The following TNFRSF13B variants were observed in gnomAD, a reference collection of about 807,000 sequenced individuals.
TNFRSF13B encodes TNF receptor superfamily member 13B, also known as tumor necrosis factor receptor superfamily member 13B.
Under a neutral mutation model 24.0 loss-of-function variants are expected in TNFRSF13B, and 34 were observed. The ratio of observed to expected loss-of-function variants is 1.41; its 90% CI spans 1.08 to 1.88. TNFRSF13B has a LOEUF of 1.88. Among genes scored for constraint, TNFRSF13B ranks in the 40% most tolerant of loss-of-function variants. The pLI is 0.00. For synonymous variants in TNFRSF13B, 173 were observed against 150.3 expected (o/e 1.15, Z -1.10); for missense variants, 415 against 380.8 (o/e 1.09, Z -0.75).
chr17:16,959,015 C>A (rs1436183738), intron 1 of TNFRSF13B, among the ~76,000 whole-genome samples: 1 of 152,080 alleles, frequency 6.6e-6, no homozygotes, highest in Admixed American at 6.6e-5. Flanking sequence ...AATACACATT[C>A]TTTTCAAGTG....
intron 1 of TNFRSF13B, among the ~76,000 whole-genome samples, chr17:16,957,114 T>G (rs144154055): frequency 9.4e-4 from 143 of 151,752 alleles, no homozygotes; most frequent in Middle Eastern, 3.5e-3. Flanking sequence ...TGGACAGGGA[T>G]GTGGGAACTC....
chr17:16,944,481 A>G (rs2087533618), intron 3 of TNFRSF13B, among the ~76,000 whole-genome samples: 1 of 152,134 alleles, frequency 6.6e-6, no homozygotes, highest in African/African-American at 2.4e-5. Context: ...CTTGTGAGGG[A>G]CATAACTAGG....
At chr17:16,944,320 T>C (rs1264839718) in intron 3 of TNFRSF13B, among the ~76,000 whole-genome samples, 1 of 152,156 alleles carries the variant, frequency 6.6e-6, no homozygotes, top group Non-Finnish European at 1.5e-5. Flanking sequence ...TAGTTGCTTT[T>C]TGAATGAGCA....
At chr17:16,970,222 C>T (rs983949729) in intron 1 of TNFRSF13B, among the ~76,000 whole-genome samples, 2 of 152,192 alleles carry the variant, frequency 1.3e-5, no homozygotes, top group African/African-American at 4.8e-5. Flanking sequence ...AGAATAGAAG[C>T]TTGAGAGAGA....
rs2087493309 is a variant in TNFRSF13B, at chr17:16,939,694, T to A, written c.735A>T (p.Ala245=). The A allele has an allele frequency of 6.2e-7, 1 of 1,607,688 alleles. No homozygotes were observed. The change falls in exon 5 of 5, where the codon GCA becomes GCT. Residue 245 remains alanine (A), a synonymous_variant. Transcript: ENST00000261652. The part of the protein sequence containing the change: ...PECRAPTQES[A]VTPGTPDPTC... ...TGGGGTCGGGGGTCCCAGGCGTGAC[T>A]GCGCTCTCCTGCGTGGGCGCCCTGC...
chr17:16,969,057 G>A (rs370255255), intron 1 of TNFRSF13B, among the ~76,000 whole-genome samples: 4 of 152,292 alleles, frequency 2.6e-5, no homozygotes, highest in East Asian at 1.9e-4. Flanking sequence ...GACAAATGTC[G>A]GTGAAGATGT....
chr17:16,940,316 A>G lies in TNFRSF13B; in HGVS notation c.631+10T>C, dbSNP rs367988346. On this transcript the variant is annotated intron_variant, in intron 4 of 4. Coordinates refer to ENST00000261652, the MANE Select transcript of TNFRSF13B (RefSeq NM_012452.3). ...CGAGAAGGGCGAGGACCCCAGTTTC[A>G]TGCACTCACCCTGGGAAGACTTGGC... 7 of 1,612,682 alleles carry G rather than the reference A, an allele frequency of 4.3e-6. No homozygotes were observed. In the African/African-American group the frequency reaches 5.3e-5, roughly 12 times the overall value.
At chr17:16,967,751 C>CAA (rs975103327) in intron 1 of TNFRSF13B, among the ~76,000 whole-genome samples, 301 of 24,356 alleles carry the variant, frequency 0.012, 26 homozygotes, top group African/African-American at 0.029. Flanking sequence ...GACTCCGTCT[C>CAA]AAAAAAAAAA....
At chr17:16,971,518 A>G (rs2087744589) in intron 1 of TNFRSF13B, among the ~76,000 whole-genome samples, 2 of 152,228 alleles carry the variant, frequency 1.3e-5, no homozygotes, top group South Asian at 2.1e-4. Flanking sequence ...TGAGAAAGAC[A>G]TTGGTGAGAC....
In TNFRSF13B at chr17:16,940,463, C is replaced by T. The variant is rs550077773; in HGVS notation, c.494G>A (p.Ser165Asn). 3 of 1,613,798 alleles carry T rather than the reference C, an allele frequency of 1.9e-6. No individual in the cohort carries two copies. Among genetic ancestry groups the T allele is most frequent in the East Asian group, 4.5e-5 (2 of 44,884 alleles). The change falls in exon 4 of 5, where the codon AGC becomes AAC. Residue 165 changes from serine (S) to asparagine (N), a missense_variant. By Grantham distance (46) the Ser-to-Asn change is conservative. Transcript: ENST00000261652. ...GGCACACAGGCAGAGCCCCAGCGTG[C>T]TGTAGACCAGGGCCACCTGATCTGC... Reference protein sequence around the residue: ...LSADQVALVYSTLGLCLCAVL... With the variant: ...LSADQVALVYNTLGLCLCAVL...
chr17:16,941,803 CT>C (rs2087512107), intron 3 of TNFRSF13B, among the ~76,000 whole-genome samples: 1 of 152,166 alleles, frequency 6.6e-6, no homozygotes, highest in Non-Finnish European at 1.5e-5. Context: ...CTGTTCATCT[CT>C]TTTCTGTCTC....
chr17:16,952,168 T>C (rs2087593443), intron 2 of TNFRSF13B, among the ~76,000 whole-genome samples: 1 of 151,804 alleles, frequency 6.6e-6, no homozygotes, highest in Admixed American at 6.6e-5. Context: ...GAAGGTTGAG[T>C]AGGAGGGAGC....
In TNFRSF13B at chr17:16,939,576, G is replaced by GCA; in HGVS notation, c.851_852dup (p.Pro285CysfsTer40). The GCA allele has an allele frequency of 6.2e-7, 1 of 1,612,984 alleles. No individual in the cohort carries two copies. Among genetic ancestry groups the GCA allele is most frequent in the East Asian group, 2.2e-5 (1 of 44,844 alleles). On this transcript the variant is annotated frameshift_variant, in exon 5 of 5. Coordinates refer to ENST00000261652, the MANE Select transcript of TNFRSF13B (RefSeq NM_012452.3). LOFTEE classifies it high-confidence loss of function. The stretch of plus-strand genomic sequence containing the variant: ...GCACCTGGGCCCCCCTCCTGGGCAG[G>GCA]CACACACACAATGCCAAGGCCACTG...
At chr17:16,949,017 A>G in intron 2 of TNFRSF13B, 34 bp from the exon 3 acceptor site, 1 of 1,613,684 alleles carries the variant, frequency 6.2e-7, no homozygotes, top group Non-Finnish European at 8.5e-7. Flanking sequence ...CTGCTGGGTG[A>G]CACAGACTAG....
intron 1 of TNFRSF13B, 38 bp from the exon 2 acceptor site, chr17:16,952,621 C>T (rs2087597734): frequency 1.2e-6 from 2 of 1,613,894 alleles, no homozygotes; most frequent in South Asian, 1.1e-5. Flanking sequence ...TGGCAGGCGG[C>T]CACAGCCCGG....
Position 16,939,737 on chromosome 17 carries a change from C to A in TNFRSF13B, c.692G>T (p.Ser231Ile), listed in dbSNP as rs1416340010. ...CGCCCTGCACTCAGGGAAGCAGAAG[C>A]TGCAGGTCTCCACTGGCTCGGGGGA... ...STSPEPVETC[S>I]FCFPECRAPT... Residue 231 changes from serine (S) to isoleucine (I), a missense_variant, in exon 5 of 5, where the codon AGC (serine) becomes ATC (isoleucine). Transcript: ENST00000261652. The A allele has an allele frequency of 3.1e-6, 5 of 1,607,548 alleles. No individual in the cohort carries two copies. The African/African-American group carries it at 4.0e-5, about 13-fold the overall frequency.
intron 3 of TNFRSF13B, 60 bp from the exon 4 acceptor site, chr17:16,940,571 C>G: frequency 6.4e-7 from 1 of 1,572,472 alleles, no homozygotes; most frequent in Non-Finnish European, 8.6e-7. Context: ...TCATTAGGCT[C>G]AAGCAATCCA....
chr17:16,948,845 T>C lies in TNFRSF13B; in HGVS notation c.338A>G (p.Asn113Ser). 1 of 1,614,220 alleles carries C rather than the reference T, an allele frequency of 6.2e-7. No homozygotes were observed. Among genetic ancestry groups the C allele is most frequent in the Non-Finnish European group, 8.5e-7 (1 of 1,180,036 alleles). ...CTGTCTCCTGAGCTCTGGTGGAAGG[T>C]TCACTGGGCTCCTGAGCTTGTTCTC... ...FCENKLRSPV[N>S]LPPELRRQRS... The change falls in exon 3 of 5, where the codon AAC (asparagine) becomes AGC (serine). Residue 113 changes from asparagine (N) to serine (S), a missense_variant. Coordinates refer to ENST00000261652, the MANE Select transcript of TNFRSF13B (RefSeq NM_012452.3).
intron 1 of TNFRSF13B, among the ~76,000 whole-genome samples, chr17:16,964,243 T>C (rs1249971494): frequency 6.6e-6 from 1 of 151,864 alleles, no homozygotes; most frequent in East Asian, 1.9e-4. Context: ...TTTGAAATAC[T>C]GAAAATGGCT....
Sources: gnomAD v4.1 joint callset for allele counts (sites outside exome capture counted in the v4.1 genomes callset) on GRCh38, gnomAD v4.1.1 for gene constraint, MANE v1.5 for transcripts, NCBI Gene and HGNC (gene_info 2026-07-23, HGNC 2026-07-21) for gene names.